Variants in THSD1 observed in about 807,000 individuals in gnomAD.
THSD1 encodes thrombospondin type-1 domain-containing protein 1.
A neutral mutation model predicts 46.3 loss-of-function variants in THSD1; 34 were observed. The observed-to-expected ratio is 0.74, with a 90% CI of 0.56 to 0.98. The LOEUF (loss-of-function observed/expected upper bound fraction) is 0.98, where lower values mean the gene tolerates loss of function less well. Ranked by LOEUF, THSD1 falls within the 50% of genes least tolerant of loss-of-function variation. The pLI, the probability that THSD1 is intolerant of heterozygous loss-of-function variation, is 0.00. For missense variants in THSD1, 1,023 were observed against 1,058.3 expected (o/e 0.97, Z 0.46); for synonymous variants, 407 against 416.5 (o/e 0.98, Z 0.28).
rs1226185047 is a variant in THSD1 at position 52,390,657 on chromosome 13, G to C, written c.1022-4471C>G. Among the ~76,000 whole-genome samples the C allele has an allele frequency of 2.0e-5, 3 of 152,096 alleles. No homozygotes were observed. The East Asian group carries it at 5.8e-4, about 29-fold the overall frequency. The stretch of plus-strand genomic sequence containing the variant: ...GAGAATCTCCTATTAAAGTCTCTCT[G>C]AGTTATAGTATTGTGATTTATTTTG... On this transcript the variant is annotated intron_variant, in intron 3 of 4. Transcript: ENST00000258613.
chr13:52,382,573 C>A (rs1432935424), intron 4 of THSD1, among the ~76,000 whole-genome samples: 1 of 152,164 alleles, frequency 6.6e-6, no homozygotes, highest in Non-Finnish European at 1.5e-5. Flanking sequence ...TCCAGACACA[C>A]TAAACTACTT....
chr13:52,392,995 CT>C (rs1009884659), intron 3 of THSD1, among the ~76,000 whole-genome samples: 15 of 148,222 alleles, frequency 1.0e-4, no homozygotes, highest in African/African-American at 2.0e-4. Flanking sequence ...AAAACAGAGC[CT>C]TTTTTTTTTC....
chr13:52,398,119 T>G lies in THSD1; in HGVS notation c.134A>C (p.Asp45Ala). ...VALSNDTVYV[D>A]FQYFDGANGT... ...ATTAGCACCATCAAAATACTGGAAATCCACATACACTGTGTCGTTGCTTAG... is the reference window on the plus strand; with the variant it reads ...ATTAGCACCATCAAAATACTGGAAAGCCACATACACTGTGTCGTTGCTTAG... The change falls in exon 3 of 5, where the codon GAT becomes GCT. Residue 45 changes from aspartate to alanine, a missense_variant. Coordinates refer to ENST00000258613, the MANE Select transcript of THSD1 (RefSeq NM_018676.4). The G allele has an allele frequency of 6.2e-7, 1 of 1,614,196 alleles. No homozygotes were observed. Among genetic ancestry groups the G allele is most frequent in the South Asian group, 1.1e-5 (1 of 91,086 alleles).
intron 3 of THSD1, among the ~76,000 whole-genome samples, chr13:52,392,940 C>T (rs1354507650): frequency 6.6e-6 from 1 of 151,912 alleles, no homozygotes; most frequent in African/African-American, 2.4e-5. Flanking sequence ...TACGGGTGTT[C>T]CAAGAGATGG....
Position 52,397,761 on chromosome 13 carries a change from G to A in THSD1, c.492C>T (p.Asn164=), listed in dbSNP as rs150260626. The A allele has an allele frequency of 2.3e-5, 37 of 1,614,138 alleles. No homozygotes were observed. The African/African-American group carries it at 2.7e-4, about 12-fold the overall frequency. Residue 164 remains asparagine (N), a synonymous_variant, in exon 3 of 5, where the codon AAC becomes AAT. Coordinates refer to ENST00000258613, the MANE Select transcript of THSD1 (RefSeq NM_018676.4). ...PLCPFPVDKP[N]IVVDVIFTNS... ...TGGTGAAGATGACATCCACTACGAT[G>A]TTGGGCTTGTCCACAGGAAACGGGC...
intron 3 of THSD1, among the ~76,000 whole-genome samples, chr13:52,387,706 G>T (rs145125020): frequency 1.6e-3 from 236 of 152,216 alleles, no homozygotes; most frequent in African/African-American, 5.3e-3. Flanking sequence ...CAATAGACTT[G>T]ACACACAGCT....
intron 3 of THSD1, among the ~76,000 whole-genome samples, chr13:52,388,073 A>G (rs1348644733): frequency 6.6e-6 from 1 of 152,126 alleles, no homozygotes; most frequent in Non-Finnish European, 1.5e-5. Context: ...ATACCACCAG[A>G]GAAGAATGAC....
At position 52,397,933 on chromosome 13, in the gene THSD1, G is replaced by T; in HGVS notation, c.320C>A (p.Ala107Glu). 1.2e-6 allele frequency: 2 copies of T among 1,614,236 alleles called. No homozygotes were observed. The highest frequency in any genetic ancestry group is 1.7e-6 in the Non-Finnish European group (2 of 1,180,050). The change falls in exon 3 of 5, where the codon GCA becomes GAA. Residue 107 changes from alanine to glutamate, a missense_variant. Ala to Glu is a moderately radical substitution (Grantham distance 107). Around this residue, in one of 3 missense-constraint regions of THSD1, gnomAD observed 429 missense variants for 518.3 expected, o/e 0.83. Coordinates refer to ENST00000258613, the MANE Select transcript of THSD1 (RefSeq NM_018676.4). The stretch of plus-strand genomic sequence containing the variant: ...GGGGAATGGAGTGCTGTTGTCTGTT[G>T]CTTCTGGAGTCATTGTGAACCAGTA... The part of the protein sequence containing the change: ...GDYWFTMTPE[A>E]TDNSTPFPWW...
chr13:52,388,162 G>A (rs1957747314), intron 3 of THSD1, among the ~76,000 whole-genome samples: 1 of 147,054 alleles, frequency 6.8e-6, no homozygotes, highest in Non-Finnish European at 1.5e-5. Flanking sequence ...AGTACTGAAA[G>A]AAAAAGCTAC....
At chr13:52,386,512 G>A (rs1345080574) in intron 3 of THSD1, among the ~76,000 whole-genome samples, 2 of 152,196 alleles carry the variant, frequency 1.3e-5, no homozygotes, top group African/African-American at 4.8e-5. Context: ...ACACCAGGCT[G>A]CATACAAGGT....
At chr13:52,398,384 C>A in intron 2 of THSD1, 190 bp from the exon 3 acceptor site, 1 of 664,926 alleles carries the variant, frequency 1.5e-6, no homozygotes, top group Non-Finnish European at 1.9e-6. Context: ...GATCTCCCAC[C>A]TCGCCCTCAC....
In THSD1 at chr13:52,378,562, C is replaced by G. The variant is rs146199335; in HGVS notation, c.1408G>C (p.Glu470Gln). 1 of 1,614,132 alleles carries G rather than the reference C, an allele frequency of 6.2e-7. No individual in the cohort carries two copies. Among genetic ancestry groups the G allele is most frequent in the Non-Finnish European group, 8.5e-7 (1 of 1,180,044 alleles). Residue 470 changes from glutamate to glutamine, a missense_variant, in exon 5 of 5, where the codon GAG (glutamate) becomes CAG (glutamine). Transcript: ENST00000258613. ...RKNSDEENIC[E>Q]LSEQRGSFSD... ...AAGCTCCCGCGCTGCTCGCTCAGCT[C>G]GCAGATATTCTCCTCGTCCGAGTTC...
At chr13:52,392,975 TAAG>T (rs545677570) in intron 3 of THSD1, among the ~76,000 whole-genome samples, 1 of 151,728 alleles carries the variant, frequency 6.6e-6, no homozygotes, top group Non-Finnish European at 1.5e-5. Flanking sequence ...AACAGTAAGT[TAAG>T]GAGGAAAAAA....
intron 4 of THSD1, chr13:52,384,267 G>T (rs986071926): frequency 2.8e-6 from 1 of 358,484 alleles, no homozygotes; most frequent in African/African-American, 2.1e-5. Context: ...TTAATTCCAG[G>T]TTGTTGATAC....
chr13:52,396,360 A>T (rs1957811013), intron 3 of THSD1, among the ~76,000 whole-genome samples: 1 of 152,110 alleles, frequency 6.6e-6, no homozygotes, highest in South Asian at 2.1e-4. Context: ...CGTCTCTACT[A>T]AAAATACAAA....
At chr13:52,398,237 GAGA>G in intron 2 of THSD1, 43 bp from the exon 3 acceptor site, 1 of 1,568,126 alleles carries the variant, frequency 6.4e-7, no homozygotes, top group Non-Finnish European at 8.6e-7. Flanking sequence ...AGGTGCATTT[GAGA>G]AGAACTATTA....
intron 2 of THSD1, among the ~76,000 whole-genome samples, chr13:52,401,645 C>G (rs1176633829): frequency 2.0e-5 from 3 of 152,140 alleles, no homozygotes; most frequent in Non-Finnish European, 4.4e-5. Flanking sequence ...TCCTTAAATC[C>G]GGTGTCTTCT....
At chr13:52,394,528 C>A (rs1157636615) in intron 3 of THSD1, among the ~76,000 whole-genome samples, 1 of 151,474 alleles carries the variant, frequency 6.6e-6, no homozygotes, top group Non-Finnish European at 1.5e-5. Flanking sequence ...GCAGGAGAAT[C>A]ACTTGAACCT....
chr13:52,389,534 A>G (rs933433431), intron 3 of THSD1, among the ~76,000 whole-genome samples: 3 of 152,110 alleles, frequency 2.0e-5, no homozygotes, highest in African/African-American at 7.2e-5. Context: ...AGACATATAT[A>G]TGTTAAAAGT....
Sources: allele counts gnomAD v4.1 joint callset (sites outside exome capture counted in the v4.1 genomes callset), GRCh38; gene constraint gnomAD v4.1.1; regional missense constraint gnomAD v4.1.1; transcripts MANE v1.5; gene names NCBI Gene and HGNC (gene_info 2026-07-23, HGNC 2026-07-21).